SRPRB: variants seen among roughly 807,000 people sequenced by gnomAD.
SRPRB encodes the protein signal recognition particle receptor subunit beta.
SRPRB carries 20 observed loss-of-function variants against 31.9 expected under a neutral mutation model. The observed-to-expected ratio is 0.63, with a 90% confidence interval of 0.44 to 0.91. The LOEUF (loss-of-function observed/expected upper bound fraction) is 0.91, where lower values mean the gene tolerates loss of function less well. SRPRB is among the 40% of genes least tolerant of loss of function. SRPRB has a pLI of 0.00. For missense variants in SRPRB, 321 were observed against 324.9 expected (o/e 0.99, Z 0.09); for synonymous variants, 146 against 132.8 (o/e 1.10, Z -0.68).
chr3:133,817,147 A>AT (rs1187010923), intron 6 of SRPRB, among the ~76,000 whole-genome samples: 1 of 152,142 alleles, frequency 6.6e-6, no homozygotes, highest in East Asian at 1.9e-4. Context: ...TGGAAAGAAG[A>AT]TTTTTTTGAA....
At chr3:133,819,355 C>T (rs1426522649) in intron 6 of SRPRB, among the ~76,000 whole-genome samples, 198 bp from the exon 7 acceptor site, 1 of 151,432 alleles carries the variant, frequency 6.6e-6, no homozygotes, top group East Asian at 1.9e-4. Context: ...GTCTGACCCC[C>T]CCAGCCCGCC....
At chr3:133,806,553 A>G (rs2107968146) in intron 1 of SRPRB, 56 bp from the exon 2 acceptor site, 1 of 1,363,914 alleles carries the variant, frequency 7.3e-7, no homozygotes, top group Non-Finnish European at 1.0e-6. Context: ...CCAGCCATGC[A>G]CATATACTGA....
upstream of SRPRB, among the ~76,000 whole-genome samples, chr3:133,805,344 C>G (rs1935130551): frequency 6.6e-6 from 1 of 152,218 alleles, no homozygotes; most frequent in African/African-American, 2.4e-5. Flanking sequence ...CTTCAGGACT[C>G]AATTCCAATG....
At position 133,815,580 on chromosome 3, in the gene SRPRB, C is replaced by A. The variant is rs1040789824; in HGVS notation, c.411-10C>A. The A allele has an allele frequency of 6.2e-7, 1 of 1,611,648 alleles. No individual in the cohort carries two copies. Among genetic ancestry groups the A allele is most frequent in the African/African-American group, 1.3e-5 (1 of 74,670 alleles). The stretch of plus-strand genomic sequence containing the variant: ...TTCACATGCCAGTTTTTCTTGTTTT[C>A]TCCCTCCAGGGCTATTGTGTTTGTT... On this transcript the variant is annotated splice_polypyrimidine_tract_variant and intron_variant, in intron 4 of 6. Coordinates refer to ENST00000678299, the MANE Select transcript of SRPRB (RefSeq NM_001379313.1).
At chr3:133,798,620 A>G (rs1328333408) in intron 1 of SRPRB, among the ~76,000 whole-genome samples, 1 of 152,156 alleles carries the variant, frequency 6.6e-6, no homozygotes, top group Non-Finnish European at 1.5e-5. Flanking sequence ...GAGTTGGTGT[A>G]GTGTTTTCTT....
At position 133,805,834 on chromosome 3, in the gene SRPRB, C is replaced by T. The variant is rs779340123; in HGVS notation, c.-15C>T. 5.0e-6 allele frequency: 8 copies of T among 1,600,802 alleles called. No homozygotes were observed. Among genetic ancestry groups the T allele is most frequent in the East Asian group, 2.2e-5 (1 of 44,822 alleles). On this transcript the variant is annotated 5_prime_UTR_variant, in exon 1 of 7. Coordinates refer to ENST00000678299, the MANE Select transcript of SRPRB (RefSeq NM_001379313.1). ...CACGTCGCTTTTGCTGTACCGGGGA[C>T]CACGCGTCTCATCCATGGCTTCCGC...
At chr3:133,801,540 G>A (rs577838545), upstream of SRPRB, among the ~76,000 whole-genome samples, 4 of 152,192 alleles carry the variant, frequency 2.6e-5, no homozygotes, top group Admixed American at 2.0e-4. Flanking sequence ...TCACCACCAC[G>A]GCAGCCCTCT....
At chr3:133,808,498 G>A (rs892937928) in intron 3 of SRPRB, among the ~76,000 whole-genome samples, 5 of 152,098 alleles carry the variant, frequency 3.3e-5, no homozygotes, top group Admixed American at 2.0e-4. Flanking sequence ...AATCTGGACC[G>A]TGTTAATAGA....
At chr3:133,812,324 A>T (rs762002124) in intron 4 of SRPRB, among the ~76,000 whole-genome samples, 1 of 152,256 alleles carries the variant, frequency 6.6e-6, no homozygotes, top group Non-Finnish European at 1.5e-5. Flanking sequence ...TTTGTCACAG[A>T]TAAGAAAATT....
At chr3:133,799,776 C>A (rs1935035091) in intron 1 of SRPRB, among the ~76,000 whole-genome samples, 1 of 149,104 alleles carries the variant, frequency 6.7e-6, no homozygotes, top group South Asian at 2.1e-4. Flanking sequence ...TAGAAGAGAC[C>A]CCTTCTGTGT....
In SRPRB at chr3:133,819,828, G is replaced by A. The variant is rs1278398296; in HGVS notation, c.*62G>A. The stretch of plus-strand genomic sequence containing the variant: ...ACACAGTTTTGGAAAAAGGTCTGTG[G>A]TAGTCTGGAGTTGATGAGGAAGGGG... On this transcript the variant is annotated 3_prime_UTR_variant, in exon 7 of 7. Transcript: ENST00000678299. The A allele has an allele frequency of 4.0e-5, 58 of 1,459,966 alleles. No individual in the cohort carries two copies. The Admixed American group carries it at 9.4e-4, about 24-fold the overall frequency. 90.4% of individuals were successfully genotyped at this position (1,459,966 alleles called of 1,614,324 possible).
At chr3:133,794,192 G>A (rs150914257) in intron 1 of SRPRB, 10 of 152,138 alleles carry the variant, frequency 6.6e-5, no homozygotes, top group African/African-American at 2.4e-4. Flanking sequence ...AGTCGTTAAA[G>A]CTTTTGTTAG....
chr3:133,819,477 A>G, intron 6 of SRPRB, 76 bp from the exon 7 acceptor site: 1 of 1,389,826 alleles, frequency 7.2e-7, no homozygotes, highest in Non-Finnish European at 1.0e-6. Flanking sequence ...ATGAGTGCTG[A>G]AATGTTTAGA....
At chr3:133,815,222 AC>A (rs1194182466) in intron 4 of SRPRB, among the ~76,000 whole-genome samples, 6 of 152,218 alleles carry the variant, frequency 3.9e-5, no homozygotes, top group African/African-American at 1.4e-4. Context: ...CTCAACTGTT[AC>A]ATTCTCCTTA....
intron 6 of SRPRB, among the ~76,000 whole-genome samples, chr3:133,819,110 T>C (rs1252967819): frequency 3.9e-5 from 6 of 152,168 alleles, no homozygotes; most frequent in South Asian, 2.1e-4. Flanking sequence ...TATGAGAATC[T>C]GGAGTTGGTG....
rs928332028 is a variant in SRPRB at position 133,820,807 on chromosome 3, T to G, written c.*1041T>G. The stretch of plus-strand genomic sequence containing the variant: ...GAATGTAATGGTGAGTACAAATGAG[T>G]GCACATGTCAGGACTCAGGTCTAAC... On this transcript the variant is annotated 3_prime_UTR_variant, in exon 7 of 7. Transcript: ENST00000678299. 2.6e-5 allele frequency: 4 copies of G among 152,120 alleles called. No homozygotes were observed. Among genetic ancestry groups the G allele is most frequent in the African/African-American group, 9.7e-5 (4 of 41,390 alleles). 9.4% of individuals were successfully genotyped at this position (152,120 alleles called of 1,614,324 possible). A position where few individuals can be genotyped will look rare whatever the true frequency, so the allele number is the denominator to read the frequency against.
chr3:133,809,381 C>T (rs926262279), intron 3 of SRPRB, among the ~76,000 whole-genome samples: 1 of 152,152 alleles, frequency 6.6e-6, no homozygotes, highest in African/African-American at 2.4e-5. Flanking sequence ...TGGTTTGAGA[C>T]CTTTTCTTCT....
chr3:133,806,152 T>A (rs1935153273), intron 1 of SRPRB, 150 bp downstream of exon 1: 2 of 1,097,522 alleles, frequency 1.8e-6, no homozygotes, highest in Non-Finnish European at 2.5e-6. Flanking sequence ...CCACCCTCTC[T>A]CCTGAAGCAG....
At chr3:133,828,513 A>AT (rs1027081812), downstream of SRPRB, 94 of 478,920 alleles carry the variant, frequency 2.0e-4, no homozygotes, top group East Asian at 3.8e-4. Context: ...CATGATTTAA[A>AT]TTTTTTTTAA....
Sources: gnomAD v4.1 joint callset for allele counts (sites outside exome capture counted in the v4.1 genomes callset) on GRCh38, gnomAD v4.1.1 for gene constraint, MANE v1.5 for transcripts, NCBI Gene and HGNC (gene_info 2026-07-23, HGNC 2026-07-21) for gene names.